ITGA1: variants seen among roughly 807,000 people sequenced by gnomAD.
ITGA1 encodes integrin alpha-1.
Under a neutral mutation model 145.9 loss-of-function variants are expected in ITGA1, and 85 were observed. The ratio of observed to expected loss-of-function variants is 0.58; its 90% CI spans 0.49 to 0.70. ITGA1 has a LOEUF of 0.70. ITGA1 is among the 30% of genes least tolerant of loss of function. The pLI is 0.00. For missense variants in ITGA1, 1,351 were observed against 1,418.7 expected (o/e 0.95, Z 0.77); for synonymous variants, 520 against 495.3 (o/e 1.05, Z -0.66).
At chr5:52,880,221 A>C (rs1340144731) in intron 6 of ITGA1, among the ~76,000 whole-genome samples, 1 of 152,120 alleles carries the variant, frequency 6.6e-6, no homozygotes, top group Non-Finnish European at 1.5e-5. Flanking sequence ...CCACCACTTC[A>C]CTATAGGGAT....
At chr5:52,837,301 A>T (rs1366230657) in intron 1 of ITGA1, among the ~76,000 whole-genome samples, 1 of 152,128 alleles carries the variant, frequency 6.6e-6, no homozygotes, top group Non-Finnish European at 1.5e-5. Flanking sequence ...AGAAAATGAG[A>T]AAGAGAGGAT....
In ITGA1 at chr5:52,818,332, C is replaced by G. The variant is rs544573165; in HGVS notation, c.61+29918C>G. On this transcript the variant is annotated intron_variant, in intron 1 of 28. Coordinates refer to ENST00000282588, the MANE Select transcript of ITGA1 (RefSeq NM_181501.2). The stretch of plus-strand genomic sequence containing the variant: ...CCACTATTACTTTTTGGAGTTCTAA[C>G]ATATGCTTATTTGCACATTAGGGTT... 7.2e-5 allele frequency among the ~76,000 whole-genome samples: 11 copies of G among 152,236 alleles called. No individual in the cohort carries two copies. In the South Asian group the frequency reaches 2.3e-3, roughly 32 times the overall value.
Position 52,956,830 on chromosome 5 carries a change from A to T in ITGA1, c.*4379A>T, listed in dbSNP as rs1751312731. 1 of 152,232 alleles carries T rather than the reference A, an allele frequency of 6.6e-6. No homozygotes were observed. Among genetic ancestry groups the T allele is most frequent in the Non-Finnish European group, 1.5e-5 (1 of 68,038 alleles). The allele number at this position is 152,232 out of a possible 1,614,324, so 9.4% of individuals were successfully genotyped here. A position where few individuals can be genotyped will look rare whatever the true frequency, so the allele number is the denominator to read the frequency against. On this transcript the variant is annotated 3_prime_UTR_variant, in exon 29 of 29. Coordinates refer to ENST00000282588, the MANE Select transcript of ITGA1 (RefSeq NM_181501.2). ...AATGTACAGTTTAATTCTAAATAGC[A>T]GGCTTTTAAATGCAAACAGCTTCCA...
At chr5:52,917,726 T>C (rs191531779) in intron 15 of ITGA1, among the ~76,000 whole-genome samples, 26 of 152,314 alleles carry the variant, frequency 1.7e-4, no homozygotes, top group Admixed American at 1.0e-3. Context: ...GTATGCATGT[T>C]TTCTTCTGTA....
chr5:52,800,342 G>A, intron 1 of ITGA1: 1 of 1,605,112 alleles, frequency 6.2e-7, no homozygotes, highest in Non-Finnish European at 8.5e-7. Context: ...CCGGGGCGGA[G>A]GTGAGGACCT....
chr5:52,947,297 T>A (rs764533476), intron 27 of ITGA1, 48 bp from the exon 28 acceptor site: 4 of 1,104,408 alleles, frequency 3.6e-6, no homozygotes, highest in Non-Finnish European at 5.6e-6. Context: ...GTTCCAGGAG[T>A]TCTAATAGGT....
chr5:52,797,981 G>A (rs1748377645), intron 1 of ITGA1, among the ~76,000 whole-genome samples: 1 of 152,196 alleles, frequency 6.6e-6, no homozygotes, highest in Admixed American at 6.5e-5. Flanking sequence ...TTAGAAAGAT[G>A]ATCAAGGAGC....
At chr5:52,801,704 G>A in intron 1 of ITGA1, 1 of 1,614,092 alleles carries the variant, frequency 6.2e-7, no homozygotes. Flanking sequence ...GAGAATGCAG[G>A]CACCGTTAGG....
At chr5:52,911,258 A>C (rs1750519554) in intron 14 of ITGA1, among the ~76,000 whole-genome samples, 1 of 136,190 alleles carries the variant, frequency 7.3e-6, no homozygotes, top group South Asian at 2.3e-4. Context: ...TATACAGTGT[A>C]TATATAGTAT....
chr5:52,841,724 C>T (rs562669226), intron 1 of ITGA1, among the ~76,000 whole-genome samples: 121 of 152,278 alleles, frequency 7.9e-4, no homozygotes, highest in African/African-American at 2.8e-3. Context: ...TTCCAACCTC[C>T]TGTATTGCCT....
intron 1 of ITGA1, chr5:52,803,961 TC>T: frequency 6.6e-6 from 1 of 152,212 alleles, no homozygotes; most frequent in Non-Finnish European, 1.5e-5. Context: ...CTGGCCATAC[TC>T]AACTGTCTAT....
chr5:52,947,817 T>C (rs540026682), intron 28 of ITGA1, among the ~76,000 whole-genome samples: 7 of 152,246 alleles, frequency 4.6e-5, no homozygotes, highest in South Asian at 2.1e-4. Context: ...CTGTCTTTTA[T>C]AGAGAAAGAA....
intron 1 of ITGA1, among the ~76,000 whole-genome samples, chr5:52,827,372 C>T (rs902710854): frequency 6.6e-6 from 1 of 151,988 alleles, no homozygotes; most frequent in Non-Finnish European, 1.5e-5. Flanking sequence ...GAAATCAATT[C>T]CTGAAATCAA....
At chr5:52,864,207 G>A (rs1197365208) in intron 3 of ITGA1, among the ~76,000 whole-genome samples, 1 of 152,144 alleles carries the variant, frequency 6.6e-6, no homozygotes, top group African/African-American at 2.4e-5. Context: ...CCTTCAGAAT[G>A]TCAAATGCAG....
At chr5:52,790,192 T>C (rs560804325) in intron 1 of ITGA1, among the ~76,000 whole-genome samples, 1 of 152,350 alleles carries the variant, frequency 6.6e-6, no homozygotes, top group East Asian at 1.9e-4. Flanking sequence ...GTCTTCAATT[T>C]GAACCCAACT....
intron 1 of ITGA1, among the ~76,000 whole-genome samples, chr5:52,792,149 C>T (rs764101671): frequency 2.6e-5 from 4 of 152,024 alleles, no homozygotes; most frequent in African/African-American, 4.8e-5. Flanking sequence ...TAGAATTAGC[C>T]CTAATTAAAC....
In ITGA1 at chr5:52,881,875, TG is replaced by T. The variant is rs751455334; in HGVS notation, c.629del (p.Gly210GlufsTer9). 3 of 1,604,008 alleles carry T rather than the reference TG, an allele frequency of 1.9e-6. No homozygotes were observed. The highest frequency in any genetic ancestry group is 3.5e-5 in the Admixed American group (2 of 57,894). ...CTCACAGTGGCTTGGTATTTCAGGT[TG>T]GAATTGTACAGTATGGAGAAAACGT... ...MDIGPKQTQV[G>X]IVQYGENVTH... On this transcript the variant is annotated frameshift_variant, in exon 7 of 29. Coordinates refer to ENST00000282588, the MANE Select transcript of ITGA1 (RefSeq NM_181501.2). LOFTEE classifies it high-confidence loss of function.
chr5:52,920,238 G>A (rs930464925), intron 16 of ITGA1, 94 bp from the exon 17 acceptor site: 2 of 962,982 alleles, frequency 2.1e-6, no homozygotes, highest in Admixed American at 6.4e-5. Context: ...GATTGCCAAA[G>A]AGATTTTTCT....
At chr5:52,801,994 G>GC (rs1748498662) in intron 1 of ITGA1, 1 of 569,296 alleles carries the variant, frequency 1.8e-6, no homozygotes, top group African/African-American at 1.9e-5. Context: ...TTTGTGATTG[G>GC]CAAGACATGT....
Sources: gnomAD v4.1 joint callset for allele counts (sites outside exome capture counted in the v4.1 genomes callset) on GRCh38, gnomAD v4.1.1 for gene constraint, MANE v1.5 for transcripts, NCBI Gene and HGNC (gene_info 2026-07-23, HGNC 2026-07-21) for gene names.